NUDT6: variants seen among roughly 807,000 people sequenced by gnomAD.
NUDT6 encodes nudix hydrolase 6.
In NUDT6, 24 loss-of-function variants were observed where a neutral mutation model predicts 36.8. That is an observed-to-expected ratio of 0.65 (90% CI 0.47 to 0.92). NUDT6 has a LOEUF of 0.92. NUDT6 is among the 40% of genes least tolerant of loss of function. The pLI is 0.00. For missense variants in NUDT6, 388 were observed against 392.8 expected, an observed-to-expected ratio of 0.99 and a Z score of 0.10; for synonymous variants, 163 against 157.0, an observed-to-expected ratio of 1.04 and a Z score of -0.29.
chr4:122,894,584 C>G (rs1727293396), intron 4 of NUDT6: 1 of 151,852 alleles, frequency 6.6e-6, no homozygotes. Flanking sequence ...GAGACTTTGT[C>G]TCAAAAAAAG....
rs1166901339 is a variant in NUDT6 at position 122,912,730 on chromosome 4, G to A, written c.443-107C>T. 3 of 706,710 alleles carry A rather than the reference G, an allele frequency of 4.2e-6. No individual in the cohort carries two copies. In the African/African-American group the frequency reaches 5.4e-5, roughly 13 times the overall value. The allele number at this position is 706,710 out of a possible 1,614,324, so 43.8% of individuals were successfully genotyped here. On this transcript the variant is annotated intron_variant, in intron 2 of 4. Coordinates refer to ENST00000304430, the MANE Select transcript of NUDT6 (RefSeq NM_007083.5). ...GATAAAAATTCTACCCATACTTGAA[G>A]CCTTGGTTCAAATACAGGTTGAGTA...
rs554405727 is a variant in NUDT6, at chr4:122,916,851, T to C, written c.442+650A>G. Among the ~76,000 whole-genome samples, 7 of 152,298 alleles carry C rather than the reference T, an allele frequency of 4.6e-5. No homozygotes were observed. In the South Asian group the frequency reaches 1.5e-3, roughly 32 times the overall value. ...CATTAATAAGGAAAATAAGGGTTATTTGAATCCAAGTACTGTGATACTGGG... is the reference window on the plus strand; with the variant it reads ...CATTAATAAGGAAAATAAGGGTTATCTGAATCCAAGTACTGTGATACTGGG... On this transcript the variant is annotated intron_variant, in intron 2 of 4. Coordinates refer to ENST00000304430, the MANE Select transcript of NUDT6 (RefSeq NM_007083.5).
At chr4:122,907,789 T>A (rs182578841) in intron 3 of NUDT6, among the ~76,000 whole-genome samples, 1 of 152,230 alleles carries the variant, frequency 6.6e-6, no homozygotes, top group African/African-American at 2.4e-5. Flanking sequence ...CTTTACGGAT[T>A]CACCCAAATT....
chr4:122,897,118 C>G (rs1464560820), intron 4 of NUDT6: 5 of 152,444 alleles, frequency 3.3e-5, no homozygotes, highest in African/African-American at 1.2e-4. Context: ...TTTTGACTAC[C>G]TGACTATTAA....
At chr4:122,897,485 A>G in intron 4 of NUDT6, 139 bp downstream of exon 4, 1 of 677,334 alleles carries the variant, frequency 1.5e-6, no homozygotes. Flanking sequence ...ATCAGCTCTG[A>G]GGTAATTTCT....
chr4:122,892,708 T>G lies in NUDT6; in HGVS notation c.*120A>C, dbSNP rs1727220238. The G allele has an allele frequency of 2.2e-6, 3 of 1,351,586 alleles. No homozygotes were observed. Among genetic ancestry groups the G allele is most frequent in the South Asian group, 3.2e-5 (2 of 62,812 alleles). The allele number at this position is 1,351,586 out of a possible 1,614,324, so 83.7% of individuals were successfully genotyped here. ...AAAATGTGCATGTTTAGAAACAAAA[T>G]TTCTTCATGGAAATCATATACATTA... On this transcript the variant is annotated 3_prime_UTR_variant, in exon 5 of 5. Coordinates refer to ENST00000304430, the MANE Select transcript of NUDT6 (RefSeq NM_007083.5).
intron 3 of NUDT6, among the ~76,000 whole-genome samples, chr4:122,898,636 C>T (rs1727438548): frequency 6.6e-6 from 1 of 152,146 alleles, no homozygotes. Context: ...GCATGGTTCC[C>T]AGAGTTTCCA....
At chr4:122,916,939 T>C (rs942518359) in intron 2 of NUDT6, among the ~76,000 whole-genome samples, 11 of 152,186 alleles carry the variant, frequency 7.2e-5, no homozygotes, top group Non-Finnish European at 1.0e-4. Flanking sequence ...CTATGGATCA[T>C]GGATACACTG....
intron 3 of NUDT6, among the ~76,000 whole-genome samples, chr4:122,907,606 A>C (rs1361531206): frequency 1.3e-5 from 2 of 150,774 alleles, no homozygotes; most frequent in African/African-American, 4.9e-5. Flanking sequence ...GCCCACCACC[A>C]CGCCCGGCTA....
chr4:122,900,057 A>ACAC (rs376050692), intron 3 of NUDT6, among the ~76,000 whole-genome samples: 1,018 of 88,682 alleles, frequency 0.011, 14 homozygotes, highest in South Asian at 0.046. Context: ...CACCCCCGCC[A>ACAC]CCCCCCCCCC....
rs1728101659 is a variant in NUDT6, at chr4:122,922,520, T to A, written c.53A>T (p.Tyr18Phe). Residue 18 changes from tyrosine (Y) to phenylalanine (F), a missense_variant, in exon 1 of 5, where the codon TAC becomes TTC. Tyr to Phe is a conservative substitution (Grantham distance 22, BLOSUM62 3). Coordinates refer to ENST00000304430, the MANE Select transcript of NUDT6 (RefSeq NM_007083.5). ...GRWRAMLART[Y>F]GPGPSAGYRW... ...GTAACCCGCCGAAGGCCCGGGGCCG[T>A]AGGTTCGGGCAAGCATCGCGCGCCA... 1 of 1,608,024 alleles carries A rather than the reference T, an allele frequency of 6.2e-7. No homozygotes were observed. Among genetic ancestry groups the A allele is most frequent in the Non-Finnish European group, 8.5e-7 (1 of 1,179,376 alleles).
chr4:122,898,805 A>C (rs929374645), intron 3 of NUDT6, among the ~76,000 whole-genome samples: 1 of 152,172 alleles, frequency 6.6e-6, no homozygotes, highest in Non-Finnish European at 1.5e-5. Context: ...TTCCATTTGG[A>C]AATATTCCCA....
chr4:122,900,235 TC>T (rs1727493170), intron 3 of NUDT6, among the ~76,000 whole-genome samples: 1 of 151,920 alleles, frequency 6.6e-6, no homozygotes, highest in South Asian at 2.1e-4. Context: ...TTGTAAACCT[TC>T]CAGCCTTCCA....
At chr4:122,918,120 CTGTTA>C (rs1727885765) in intron 1 of NUDT6, 1 of 164,000 alleles carries the variant, frequency 6.1e-6, no homozygotes, top group African/African-American at 2.4e-5. Flanking sequence ...TTTAGGAGTT[CTGTTA>C]TAATGTTTTT....
intron 1 of NUDT6, 133 bp from the exon 2 acceptor site, chr4:122,917,837 T>A: frequency 4.3e-6 from 3 of 691,086 alleles, no homozygotes; most frequent in Non-Finnish European, 7.2e-6. Context: ...CTTGTTCACA[T>A]CGCTGGCACT....
intron 3 of NUDT6, among the ~76,000 whole-genome samples, chr4:122,906,863 C>T (rs961650212): frequency 8.5e-5 from 13 of 152,184 alleles, no homozygotes; most frequent in Non-Finnish European, 1.5e-4. Context: ...GTCATCCTTA[C>T]TGCTCATTAT....
chr4:122,917,059 T>C (rs1727860234), intron 2 of NUDT6, among the ~76,000 whole-genome samples: 3 of 152,154 alleles, frequency 2.0e-5, no homozygotes, highest in African/African-American at 7.2e-5. Context: ...TTTCTGGAAT[T>C]TTCCATTTAG....
At chr4:122,908,708 G>C (rs1172001348) in intron 3 of NUDT6, among the ~76,000 whole-genome samples, 1 of 152,134 alleles carries the variant, frequency 6.6e-6, no homozygotes. Context: ...GTTTTACAGA[G>C]TCTGACTTTT....
intron 3 of NUDT6, among the ~76,000 whole-genome samples, chr4:122,909,313 G>A (rs1727684075): frequency 6.6e-6 from 1 of 152,010 alleles, no homozygotes; most frequent in African/African-American, 2.4e-5. Context: ...GCATAATGTT[G>A]AATAAGTTAT....
Sources: allele counts gnomAD v4.1 joint callset (sites outside exome capture counted in the v4.1 genomes callset), GRCh38; gene constraint gnomAD v4.1.1; transcripts MANE v1.5; gene names NCBI Gene and HGNC (gene_info 2026-07-23, HGNC 2026-07-21).